TBXAS1: variants seen among roughly 807,000 people sequenced by gnomAD.
TBXAS1 encodes thromboxane-A synthase.
A neutral mutation model predicts 60.7 loss-of-function variants in TBXAS1; 48 were observed. The observed-to-expected ratio is 0.79, with a 90% CI of 0.63 to 1.01. TBXAS1 has a LOEUF of 1.01. TBXAS1 is among the 50% of genes least tolerant of loss of function. The pLI, the probability that TBXAS1 is intolerant of heterozygous loss-of-function variation, is 0.00. For synonymous variants in TBXAS1, 287 were observed against 269.7 expected (o/e 1.06, Z -0.63); for missense variants, 685 against 686.3 (o/e 1.00, Z 0.02).
intron 5 of TBXAS1, among the ~76,000 whole-genome samples, chr7:139,944,753 C>T (rs1407387190): frequency 6.6e-6 from 1 of 152,120 alleles, no homozygotes; most frequent in Non-Finnish European, 1.5e-5. Flanking sequence ...CCAAGCTACA[C>T]ACCATCAACG....
intron 3 of TBXAS1, among the ~76,000 whole-genome samples, chr7:139,888,205 CCTCTT>C (rs1179708516): frequency 2.0e-5 from 3 of 152,202 alleles, no homozygotes; most frequent in African/African-American, 7.2e-5. Flanking sequence ...AGCTCCTTCT[CCTCTT>C]ATCTCACTCC....
chr7:139,809,539 A>G (rs1797976924), intron 4 of TBXAS1, among the ~76,000 whole-genome samples: 3 of 152,284 alleles, frequency 2.0e-5, no homozygotes, highest in African/African-American at 4.8e-5. Flanking sequence ...AGTGATGCTG[A>G]CAGCATGGCT....
chr7:139,858,720 T>C (rs1800754783), intron 1 of TBXAS1, among the ~76,000 whole-genome samples: 1 of 152,206 alleles, frequency 6.6e-6, no homozygotes, highest in Admixed American at 6.5e-5. Context: ...GACCACATTT[T>C]GATTATGTCT....
chr7:139,871,643 G>A (rs1231674193), intron 1 of TBXAS1, among the ~76,000 whole-genome samples: 2 of 152,158 alleles, frequency 1.3e-5, no homozygotes, highest in African/African-American at 4.8e-5. Context: ...ATGGTTGCGG[G>A]CCGAGAAAAC....
chr7:139,986,724 TATATATATATATATACATAC>T (rs1222316966), intron 9 of TBXAS1, among the ~76,000 whole-genome samples: 1,549 of 52,534 alleles, frequency 0.029, 35 homozygotes, highest in African/African-American at 0.16. Context: ...TATTCCATCA[TATATATATATATATACATAC>T]ATATATATAT....
intron 4 of TBXAS1, among the ~76,000 whole-genome samples, chr7:139,926,309 TA>T (rs1806873290): frequency 6.6e-6 from 1 of 152,224 alleles, no homozygotes; most frequent in Non-Finnish European, 1.5e-5. Context: ...GACTTTTTAT[TA>T]CGGCTTTGAT....
At position 139,929,872 on chromosome 7, in the gene TBXAS1, C is replaced by G. The variant is rs181008713; in HGVS notation, c.334-6319C>G. ...TCCTCCTGACGGCGCTCCCTGCCTC[C>G]ACTCTGGCTCCTCACAGTTGATTCT... On this transcript the variant is annotated intron_variant, in intron 4 of 12. Coordinates refer to ENST00000448866, the MANE Select transcript of TBXAS1 (RefSeq NM_001061.7). 2.1e-4 allele frequency among the ~76,000 whole-genome samples: 32 copies of G among 152,352 alleles called. No individual in the cohort carries two copies. In the East Asian group the frequency reaches 5.2e-3, roughly 25 times the overall value.
At chr7:140,017,583 A>G in intron 11 of TBXAS1, 88 bp from the exon 12 acceptor site, 1 of 1,552,572 alleles carries the variant, frequency 6.4e-7, no homozygotes, top group Admixed American at 1.7e-5. Context: ...TCCTTGTCTC[A>G]GATGCAGGGG....
chr7:139,973,200 A>G (rs1811332683), intron 9 of TBXAS1, among the ~76,000 whole-genome samples: 1 of 152,210 alleles, frequency 6.6e-6, no homozygotes, highest in African/African-American at 2.4e-5. Flanking sequence ...TCCAGGACAG[A>G]TATCTGAAAG....
intron 4 of TBXAS1, among the ~76,000 whole-genome samples, chr7:139,801,633 C>T (rs1319189111): frequency 2.0e-5 from 3 of 152,064 alleles, no homozygotes; most frequent in Non-Finnish European, 4.4e-5. Context: ...CCATGCCCAG[C>T]TAATCTTTGT....
intron 1 of TBXAS1, among the ~76,000 whole-genome samples, chr7:139,866,651 C>G (rs184764380): frequency 2.0e-5 from 3 of 151,092 alleles, no homozygotes; most frequent in African/African-American, 7.3e-5. Context: ...CCAGCTACTT[C>G]GGAGGCTGAG....
At chr7:139,825,563 C>A (rs1299066951), upstream of TBXAS1, among the ~76,000 whole-genome samples, 1 of 152,222 alleles carries the variant, frequency 6.6e-6, no homozygotes, top group East Asian at 1.9e-4. Flanking sequence ...TCCAAGCTGG[C>A]CACCAACATT....
intron 10 of TBXAS1, among the ~76,000 whole-genome samples, chr7:140,010,191 A>T (rs1471361873): frequency 6.6e-6 from 1 of 152,094 alleles, no homozygotes; most frequent in Non-Finnish European, 1.5e-5. Flanking sequence ...TGAGAGAGAC[A>T]AGGTGTCACA....
At chr7:139,951,259 C>T (rs529949570) in intron 5 of TBXAS1, among the ~76,000 whole-genome samples, 1 of 152,282 alleles carries the variant, frequency 6.6e-6, no homozygotes, top group South Asian at 2.1e-4. Flanking sequence ...CACTGTTTGT[C>T]TTCTAGAAAA....
intron 4 of TBXAS1, among the ~76,000 whole-genome samples, chr7:139,822,640 C>A (rs1798329927): frequency 6.6e-6 from 1 of 152,184 alleles, no homozygotes; most frequent in South Asian, 2.1e-4. Context: ...TACTGTATGG[C>A]ACTATCATGG....
intron 4 of TBXAS1, among the ~76,000 whole-genome samples, chr7:139,792,035 A>G (rs1797402229): frequency 6.6e-6 from 1 of 152,202 alleles, no homozygotes; most frequent in African/African-American, 2.4e-5. Flanking sequence ...TATATCCCAT[A>G]GAAAGCACAC....
chr7:139,891,000 G>GT (rs1803560514), intron 3 of TBXAS1, among the ~76,000 whole-genome samples: 2 of 151,898 alleles, frequency 1.3e-5, no homozygotes, highest in Non-Finnish European at 2.9e-5. Flanking sequence ...CTATTCCTTA[G>GT]TTTTTTCATT....
At chr7:139,805,633 C>G (rs916065154) in intron 4 of TBXAS1, among the ~76,000 whole-genome samples, 6 of 137,948 alleles carry the variant, frequency 4.3e-5, no homozygotes, top group African/African-American at 1.6e-4. Context: ...TTCTTTCCTT[C>G]CCTCCCTCCC....
intron 4 of TBXAS1, among the ~76,000 whole-genome samples, chr7:139,798,931 CT>C: frequency 6.6e-6 from 1 of 152,284 alleles, no homozygotes; most frequent in South Asian, 2.1e-4. Flanking sequence ...CTTCAGTTGC[CT>C]GCCAGACATT....
Sources: gnomAD v4.1 joint callset for allele counts (sites outside exome capture counted in the v4.1 genomes callset) on GRCh38, gnomAD v4.1.1 for gene constraint, MANE v1.5 for transcripts, NCBI Gene and HGNC (gene_info 2026-07-23, HGNC 2026-07-21) for gene names.